Variants in TMEM232 observed in about 807,000 individuals in gnomAD.
TMEM232 encodes transmembrane protein 232.
A neutral mutation model predicts 78.8 loss-of-function variants in TMEM232; 80 were observed. The ratio of observed to expected loss-of-function variants is 1.01; its 90% CI spans 0.85 to 1.22. The LOEUF (loss-of-function observed/expected upper bound fraction) is 1.22, where lower values mean the gene tolerates loss of function less well. Among genes scored for constraint, TMEM232 ranks in the 50% most tolerant of loss-of-function variants. The pLI, the probability that TMEM232 is intolerant of heterozygous loss-of-function variation, is 0.00. For synonymous variants in TMEM232, 297 were observed against 254.3 expected (o/e 1.17, Z -1.60); for missense variants, 881 against 742.2 (o/e 1.19, Z -2.17).
At chr5:110,525,877 A>G (rs2149519249) in intron 12 of TMEM232, among the ~76,000 whole-genome samples, 1 of 151,430 alleles carries the variant, frequency 6.6e-6, no homozygotes, top group South Asian at 2.1e-4. Flanking sequence ...TAAAAAATTC[A>G]GAATTAGACA....
intron 12 of TMEM232, among the ~76,000 whole-genome samples, chr5:110,509,727 G>A (rs141106096): frequency 0.023 from 3,424 of 151,916 alleles, 42 homozygotes; most frequent in Admixed American, 0.025. Context: ...TAGAAATATC[G>A]TACACACATA....
chr5:110,594,811 T>C (rs1035534831), intron 10 of TMEM232, among the ~76,000 whole-genome samples: 1 of 152,108 alleles, frequency 6.6e-6, no homozygotes, highest in Non-Finnish European at 1.5e-5. Context: ...AAAACTCCCA[T>C]CTCCCTGGGA....
At chr5:110,512,230 A>G (rs763498591) in intron 12 of TMEM232, among the ~76,000 whole-genome samples, 3 of 152,226 alleles carry the variant, frequency 2.0e-5, no homozygotes, top group African/African-American at 7.2e-5. Context: ...TATATCTGAG[A>G]CATTTGCTTT....
intron 12 of TMEM232, among the ~76,000 whole-genome samples, chr5:110,457,267 G>A (rs757063328): frequency 6.6e-6 from 1 of 152,018 alleles, no homozygotes; most frequent in Admixed American, 6.6e-5. Flanking sequence ...AAGAGAATTT[G>A]TTCTACATAA....
At chr5:110,468,176 A>G (rs984638996) in intron 12 of TMEM232, among the ~76,000 whole-genome samples, 1 of 152,160 alleles carries the variant, frequency 6.6e-6, no homozygotes, top group Non-Finnish European at 1.5e-5. Flanking sequence ...CTCAACAGGA[A>G]TAATGGAACC....
Position 110,610,206 on chromosome 5 carries a change from G to A in TMEM232, c.903-3919C>T, listed in dbSNP as rs1782015719. Among the ~76,000 whole-genome samples the A allele has an allele frequency of 4.3e-5, 6 of 137,982 alleles. No individual in the cohort carries two copies. The South Asian group carries it at 1.5e-3, about 34-fold the overall frequency. 90.5% of individuals were successfully genotyped at this position (137,982 alleles called of 152,430 possible). ...AATTACAGAAGGAAGGAACAAGGAA[G>A]GAAGGAAGGAAGGGAGGGAGGGAAA... On this transcript the variant is annotated intron_variant, in intron 8 of 13. Coordinates refer to ENST00000455884, the MANE Select transcript of TMEM232 (RefSeq NM_001039763.4).
At chr5:110,481,809 G>A (rs559735110) in intron 12 of TMEM232, among the ~76,000 whole-genome samples, 263 of 152,154 alleles carry the variant, frequency 1.7e-3, no homozygotes, top group African/African-American at 5.8e-3. Context: ...ACCAAATACT[G>A]CTAAGCTGTG....
intron 2 of TMEM232, among the ~76,000 whole-genome samples, chr5:110,645,456 CAA>C (rs376898101): frequency 1.3e-4 from 14 of 105,684 alleles, no homozygotes; most frequent in Admixed American, 2.9e-4. Flanking sequence ...ACCATATTAC[CAA>C]AAAAAAAAAA....
At chr5:110,410,708 T>C (rs1168847463) in intron 2 of TMEM232, among the ~76,000 whole-genome samples, 1 of 152,200 alleles carries the variant, frequency 6.6e-6, no homozygotes, top group Admixed American at 6.5e-5. Context: ...GATTTTCAGG[T>C]GTATAAACTC....
chr5:110,667,437 A>G, intron 1 of TMEM232, 73 bp from the exon 2 acceptor site: 1 of 1,232,746 alleles, frequency 8.1e-7, no homozygotes, highest in Non-Finnish European at 1.1e-6. Context: ...ATGCAAATTC[A>G]TTATTTTTGG....
intron 10 of TMEM232, 79 bp downstream of exon 10, chr5:110,605,030 T>A (rs1168204698): frequency 1.5e-6 from 2 of 1,355,496 alleles, no homozygotes; most frequent in African/African-American, 3.0e-5. Flanking sequence ...ATATTAACTT[T>A]GAGTAGAATG....
chr5:110,489,228 G>C (rs1294042717), intron 12 of TMEM232, among the ~76,000 whole-genome samples: 1 of 151,514 alleles, frequency 6.6e-6, no homozygotes, highest in Middle Eastern at 3.4e-3. Flanking sequence ...TTTTTCAAAA[G>C]ATCTATATAT....
intron 13 of TMEM232, among the ~76,000 whole-genome samples, chr5:110,421,168 C>A (rs1292154821): frequency 1.3e-5 from 2 of 151,770 alleles, no homozygotes; most frequent in Non-Finnish European, 2.9e-5. Context: ...AACTCTAATA[C>A]TATTCTCTAT....
chr5:110,574,856 A>G (rs1453795448), intron 10 of TMEM232, among the ~76,000 whole-genome samples: 1 of 152,032 alleles, frequency 6.6e-6, no homozygotes, highest in Non-Finnish European at 1.5e-5. Context: ...ATAAACCATA[A>G]CCCTGAGTAA....
chr5:110,470,550 A>T (rs977066519), intron 12 of TMEM232, among the ~76,000 whole-genome samples: 16 of 152,146 alleles, frequency 1.1e-4, no homozygotes, highest in Non-Finnish European at 1.0e-4. Flanking sequence ...GAAATAAAAA[A>T]ATAAGAGGAC....
chr5:110,669,975 C>T (rs1411680523), intron 1 of TMEM232, among the ~76,000 whole-genome samples: 2 of 152,058 alleles, frequency 1.3e-5, no homozygotes, highest in Non-Finnish European at 2.9e-5. Flanking sequence ...ATTGATGGGA[C>T]ATATCTCAAA....
At chr5:110,472,240 A>C (rs1359698932) in intron 12 of TMEM232, among the ~76,000 whole-genome samples, 1 of 152,072 alleles carries the variant, frequency 6.6e-6, no homozygotes, top group Non-Finnish European at 1.5e-5. Flanking sequence ...TAGCATTTTT[A>C]CATGCTAATG....
intron 2 of TMEM232, among the ~76,000 whole-genome samples, chr5:110,656,065 A>C (rs62869960): frequency 1.3e-5 from 2 of 151,228 alleles, no homozygotes; most frequent in South Asian, 2.1e-4. Context: ...TAAAAAAAAA[A>C]CAATACTTTA....
Position 110,566,573 on chromosome 5 carries a change from G to C in TMEM232, c.1455+1874C>G, listed in dbSNP as rs142679707. On this transcript the variant is annotated intron_variant, in intron 11 of 13. Transcript: ENST00000455884. ...TGCTGCCAGTCTCTTTGCATAGCAAGAGTGACCTTTACTCCAGTTCCCAAC... is the reference window on the plus strand; with the variant it reads ...TGCTGCCAGTCTCTTTGCATAGCAACAGTGACCTTTACTCCAGTTCCCAAC... Among the ~76,000 whole-genome samples the C allele has an allele frequency of 3.1e-3, 470 of 152,040 alleles. 1 individual carries two copies. The highest frequency in any genetic ancestry group is 0.011 in the African/African-American group (454 of 41,528).
Sources: gnomAD v4.1 joint callset for allele counts (sites outside exome capture counted in the v4.1 genomes callset) on GRCh38, gnomAD v4.1.1 for gene constraint, MANE v1.5 for transcripts, NCBI Gene and HGNC (gene_info 2026-07-23, HGNC 2026-07-21) for gene names.